Variants in GMPR observed in about 807,000 individuals in gnomAD.
GMPR encodes the protein GMP reductase 1.
In GMPR, 31 loss-of-function variants were observed where a neutral mutation model predicts 38.4. The ratio of observed to expected loss-of-function variants is 0.81; its 90% CI spans 0.61 to 1.09. The LOEUF (loss-of-function observed/expected upper bound fraction) is 1.09. Ranked by LOEUF, GMPR falls within the 50% of genes least tolerant of loss-of-function variation. The pLI is 0.00. For synonymous variants in GMPR, 162 were observed against 173.3 expected (o/e 0.93, Z 0.51); for missense variants, 468 against 453.7 (o/e 1.03, Z -0.29).
chr6:16,247,028 C>T, intron 2 of GMPR, 67 bp downstream of exon 2: 1 of 1,481,002 alleles, frequency 6.8e-7, no homozygotes, highest in East Asian at 2.3e-5. Flanking sequence ...CAGGAGCCGA[C>T]CCTGGCTTTA....
At chr6:16,285,602 T>G (rs929308845) in intron 6 of GMPR, among the ~76,000 whole-genome samples, 191 bp from the exon 7 acceptor site, 2 of 151,388 alleles carry the variant, frequency 1.3e-5, no homozygotes, top group African/African-American at 4.9e-5. Context: ...GCCTGGGGAG[T>G]GAAAGGTGCA....
At chr6:16,294,073 G>T (rs1759888336) in intron 8 of GMPR, among the ~76,000 whole-genome samples, 1 of 152,218 alleles carries the variant, frequency 6.6e-6, no homozygotes, top group South Asian at 2.1e-4. Flanking sequence ...TTACCTGGTG[G>T]CTTTGTGAAG....
At chr6:16,285,021 AAAAAAAAAAAAC>A (rs1402922490) in intron 6 of GMPR, among the ~76,000 whole-genome samples, 4 of 128,814 alleles carry the variant, frequency 3.1e-5, no homozygotes, top group African/African-American at 1.0e-4. Context: ...CTGTCTCAAA[AAAAAAAAAAAAC>A]AAAAAAAAAA....
chr6:16,256,522 C>G (rs1239509799), intron 4 of GMPR, among the ~76,000 whole-genome samples: 1 of 113,960 alleles, frequency 8.8e-6, no homozygotes, highest in Non-Finnish European at 1.7e-5. Flanking sequence ...GAGTGAGACT[C>G]TGTCTCAAAA....
intron 4 of GMPR, chr6:16,258,252 A>G (rs1412819869): frequency 3.3e-5 from 5 of 152,246 alleles, no homozygotes; most frequent in Non-Finnish European, 4.4e-5. Context: ...GATAGCAGAA[A>G]TGCATTAGTG....
At chr6:16,278,522 A>G (rs1759518714) in intron 5 of GMPR, among the ~76,000 whole-genome samples, 1 of 152,140 alleles carries the variant, frequency 6.6e-6, no homozygotes, top group Non-Finnish European at 1.5e-5. Flanking sequence ...TGGCAGTGAC[A>G]GGTGCATGGT....
chr6:16,242,572 C>T (rs1758671471), intron 1 of GMPR, among the ~76,000 whole-genome samples: 1 of 152,178 alleles, frequency 6.6e-6, no homozygotes, highest in Non-Finnish European at 1.5e-5. Flanking sequence ...CAATCTCTGC[C>T]TTCATCTCCA....
intron 6 of GMPR, among the ~76,000 whole-genome samples, chr6:16,285,192 A>G (rs1047854274): frequency 6.6e-6 from 1 of 152,192 alleles, no homozygotes; most frequent in East Asian, 1.9e-4. Flanking sequence ...AACCAGCCCA[A>G]GTGTGGTCTG....
chr6:16,289,625 G>C (rs1349427062), intron 7 of GMPR: 1 of 152,110 alleles, frequency 6.6e-6, no homozygotes, highest in Non-Finnish European at 1.5e-5. Context: ...AGCATGGTGC[G>C]GGTGGAGTTT....
At position 16,283,607 on chromosome 6, in the gene GMPR, G is replaced by T. The variant is rs529337405; in HGVS notation, c.655-2186G>T. ...AAATATGATTTCCTCTTTGCAATAC[G>T]CCATACAGTTGTATTAACTGTGGAT... On this transcript the variant is annotated intron_variant, in intron 6 of 8. Coordinates refer to ENST00000259727, the MANE Select transcript of GMPR (RefSeq NM_006877.4). Among the ~76,000 whole-genome samples, 3 of 152,074 alleles carry T rather than the reference G, an allele frequency of 2.0e-5. No homozygotes were observed. The South Asian group carries it at 6.2e-4, about 32-fold the overall frequency.
At chr6:16,245,980 T>C (rs1758743615) in intron 1 of GMPR, among the ~76,000 whole-genome samples, 1 of 152,166 alleles carries the variant, frequency 6.6e-6, no homozygotes, top group Non-Finnish European at 1.5e-5. Context: ...GTGTCCTCCA[T>C]TGGCCCATCC....
At chr6:16,272,965 G>T (rs991503258) in intron 4 of GMPR, among the ~76,000 whole-genome samples, 4 of 151,986 alleles carry the variant, frequency 2.6e-5, no homozygotes, top group African/African-American at 9.7e-5. Flanking sequence ...ACTTGGCCAA[G>T]TTTTTAGTTT....
At chr6:16,285,901 G>A in intron 7 of GMPR, 66 bp downstream of exon 7, 1 of 1,323,318 alleles carries the variant, frequency 7.6e-7, no homozygotes, top group Non-Finnish European at 1.1e-6. Context: ...CACCTCTCCA[G>A]CTGGCAACCT....
intron 2 of GMPR, 104 bp downstream of exon 2, chr6:16,247,065 T>A (rs1384769309): frequency 9.4e-6 from 10 of 1,065,340 alleles, no homozygotes; most frequent in Non-Finnish European, 1.2e-5. Flanking sequence ...AGTAGAAATG[T>A]GAGCTGCTTT....
chr6:16,271,949 A>T (rs1297922457), intron 4 of GMPR, among the ~76,000 whole-genome samples: 2 of 152,140 alleles, frequency 1.3e-5, no homozygotes, highest in Non-Finnish European at 2.9e-5. Flanking sequence ...GGTGCCTCAC[A>T]CCTGTAATTG....
intron 2 of GMPR, 105 bp from the exon 3 acceptor site, chr6:16,250,179 A>G: frequency 1.3e-6 from 1 of 740,830 alleles, no homozygotes; most frequent in Non-Finnish European, 2.5e-6. Context: ...CATGGATGGC[A>G]GGAACACTGA....
At chr6:16,287,743 A>C (rs1288903694) in intron 7 of GMPR, among the ~76,000 whole-genome samples, 1 of 152,178 alleles carries the variant, frequency 6.6e-6, no homozygotes, top group African/African-American at 2.4e-5. Context: ...GGGAGTCAGC[A>C]TTCGTGTTAG....
chr6:16,264,630 TAAAGGA>T (rs1438931762), intron 4 of GMPR: 1 of 149,202 alleles, frequency 6.7e-6, no homozygotes, highest in African/African-American at 2.5e-5. Flanking sequence ...TTTGGGTAGG[TAAAGGA>T]AAATTACAGT....
At position 16,278,890 on chromosome 6, in the gene GMPR, T is replaced by C; in HGVS notation, c.654T>C (p.Ser218=). 6.3e-7 allele frequency: 1 copy of C among 1,596,370 alleles called. No homozygotes were observed. Among genetic ancestry groups the C allele is most frequent in the Non-Finnish European group, 8.6e-7 (1 of 1,164,494 alleles). ...SAHGLKGHII[S]DGGCTCPGDV... is the part of the protein sequence containing the mutation. Reference sequence around the variant, plus strand: ...ATGGCCTGAAGGGCCACATCATCTCTGTGAGTCTCCACCCGGGGCTGAGGC... The same window carrying C: ...ATGGCCTGAAGGGCCACATCATCTCCGTGAGTCTCCACCCGGGGCTGAGGC... Residue 218 remains serine, a splice_region_variant and synonymous_variant, in exon 6 of 9, where the codon TCT becomes TCC. Coordinates refer to ENST00000259727, the MANE Select transcript of GMPR (RefSeq NM_006877.4).
Sources: allele counts gnomAD v4.1 joint callset (sites outside exome capture counted in the v4.1 genomes callset), GRCh38; gene constraint gnomAD v4.1.1; transcripts MANE v1.5; gene names NCBI Gene and HGNC (gene_info 2026-07-23, HGNC 2026-07-21).